Variants in TRIP12 observed in about 807,000 individuals in gnomAD.
TRIP12 encodes E3 ubiquitin-protein ligase TRIP12.
TRIP12 carries 25 observed loss-of-function variants against 244.2 expected under a neutral mutation model. The observed-to-expected ratio is 0.10, with a 90% CI of 0.07 to 0.14. The LOEUF (loss-of-function observed/expected upper bound fraction) is 0.14. Ranked by LOEUF, TRIP12 falls within the 10% of genes least tolerant of loss-of-function variation. The pLI is 1.00. For synonymous variants in TRIP12, 905 were observed against 873.1 expected (o/e 1.04, Z -0.64); for missense variants, 1,677 against 2,486.4 (o/e 0.67, Z 6.92).
intron 40 of TRIP12, 72 bp downstream of exon 40, chr2:229,769,157 ATG>A: frequency 3.2e-6 from 4 of 1,240,808 alleles, no homozygotes; most frequent in South Asian, 1.4e-5. Flanking sequence ...ACATGTGCGC[ATG>A]TGTGTGTACA....
chr2:229,874,778 T>C (rs983169598), intron 2 of TRIP12, among the ~76,000 whole-genome samples: 1 of 152,208 alleles, frequency 6.6e-6, no homozygotes, highest in African/African-American at 2.4e-5. Flanking sequence ...AATTGTTTTC[T>C]TTAATTTTCC....
chr2:229,882,528 A>G, intron 1 of TRIP12, among the ~76,000 whole-genome samples: 1 of 152,166 alleles, frequency 6.6e-6, no homozygotes, highest in East Asian at 1.9e-4. Flanking sequence ...GAAGTTCAGC[A>G]CATCAAAGAA....
At chr2:229,872,135 A>G (rs1005348671) in intron 2 of TRIP12, among the ~76,000 whole-genome samples, 5 of 145,758 alleles carry the variant, frequency 3.4e-5, no homozygotes, top group Admixed American at 6.9e-5. Flanking sequence ...AAAAAAAAGA[A>G]GCCTATATTA....
chr2:229,825,462 G>A (rs1559665409), intron 8 of TRIP12, among the ~76,000 whole-genome samples: 1 of 152,162 alleles, frequency 6.6e-6, no homozygotes, highest in African/African-American at 2.4e-5. Flanking sequence ...ATCCAAGACT[G>A]GATAATTTAT....
At chr2:229,878,501 C>G (rs564502985) in intron 2 of TRIP12, among the ~76,000 whole-genome samples, 42 of 151,884 alleles carry the variant, frequency 2.8e-4, no homozygotes, top group African/African-American at 9.9e-4. Context: ...CTGCCCTAGT[C>G]CAAAGTCCCT....
intron 34 of TRIP12, among the ~76,000 whole-genome samples, chr2:229,785,199 T>C (rs1256358764): frequency 6.6e-6 from 1 of 152,198 alleles, no homozygotes; most frequent in Admixed American, 6.5e-5. Flanking sequence ...AAAGGCTACA[T>C]ACTGCATGAC....
At chr2:229,779,426 G>T (rs1458809374) in intron 34 of TRIP12, among the ~76,000 whole-genome samples, 1 of 152,090 alleles carries the variant, frequency 6.6e-6, no homozygotes, top group Non-Finnish European at 1.5e-5. Flanking sequence ...TTTTCTTGGG[G>T]CTTATTTTTC....
rs113301774 is a variant in TRIP12, at chr2:229,839,107, G to A, written c.1133+1715C>T. Among the ~76,000 whole-genome samples, 687 of 152,294 alleles carry A rather than the reference G, an allele frequency of 4.5e-3. 7 individuals are homozygous for A. Among genetic ancestry groups the A allele is most frequent in the African/African-American group, 0.016 (666 of 41,538 alleles). Reference sequence around the variant, plus strand: ...TCAAGGACGAACCACGTATATGACCGTGGTCCTGCAAGATTATTAATACCC... The same window carrying A: ...TCAAGGACGAACCACGTATATGACCATGGTCCTGCAAGATTATTAATACCC... On this transcript the variant is annotated intron_variant, in intron 5 of 41. Transcript: ENST00000675903.
intron 2 of TRIP12, among the ~76,000 whole-genome samples, chr2:229,871,705 C>T (rs532985032): frequency 7.9e-5 from 12 of 152,124 alleles, no homozygotes; most frequent in Non-Finnish European, 1.5e-4. Context: ...TATTCCTTTA[C>T]AGCAATGCTG....
intron 2 of TRIP12, among the ~76,000 whole-genome samples, chr2:229,867,529 A>G (rs1336612629): frequency 6.6e-6 from 1 of 151,872 alleles, no homozygotes; most frequent in African/African-American, 2.4e-5. Flanking sequence ...ACCACTATTA[A>G]TTTTCTAAAA....
intron 1 of TRIP12, among the ~76,000 whole-genome samples, chr2:229,915,637 T>C (rs1410666763): frequency 8.1e-6 from 1 of 123,658 alleles, no homozygotes; most frequent in African/African-American, 3.0e-5. Flanking sequence ...AAAAAAAGGG[T>C]GAGGGCTAAA....
chr2:229,873,663 G>GT (rs558197461), intron 2 of TRIP12, among the ~76,000 whole-genome samples: 2 of 152,030 alleles, frequency 1.3e-5, no homozygotes, highest in Non-Finnish European at 2.9e-5. Context: ...CTTTGAAATA[G>GT]TTTTTTTAAG....
chr2:229,792,683 A>C (rs1011924863), intron 27 of TRIP12, among the ~76,000 whole-genome samples: 3 of 152,120 alleles, frequency 2.0e-5, no homozygotes, highest in African/African-American at 7.2e-5. Flanking sequence ...TATATATTAC[A>C]CTCTGATCTA....
At chr2:229,894,687 A>C (rs528424084) in intron 1 of TRIP12, among the ~76,000 whole-genome samples, 2 of 152,380 alleles carry the variant, frequency 1.3e-5, no homozygotes, top group South Asian at 4.1e-4. Context: ...GGCATATTTC[A>C]AATCAGGTGA....
intron 4 of TRIP12, among the ~76,000 whole-genome samples, chr2:229,848,246 A>G (rs574537763): frequency 4.0e-4 from 61 of 152,266 alleles, no homozygotes; most frequent in Admixed American, 1.8e-3. Context: ...GGAGACAACC[A>G]GGAATTACCA....
chr2:229,786,450 T>C (rs1332090667), intron 33 of TRIP12, among the ~76,000 whole-genome samples: 1 of 147,406 alleles, frequency 6.8e-6, no homozygotes, highest in South Asian at 2.1e-4. Flanking sequence ...CAGGCTGGAA[T>C]GCAGTGGCGC....
At chr2:229,876,753 T>G (rs954601126) in intron 2 of TRIP12, among the ~76,000 whole-genome samples, 2 of 152,224 alleles carry the variant, frequency 1.3e-5, no homozygotes, top group Non-Finnish European at 1.5e-5. Flanking sequence ...AACCTTGAAC[T>G]CCTCGGCTCA....
chr2:229,774,816 C>A (rs182462103), intron 37 of TRIP12, among the ~76,000 whole-genome samples: 5 of 148,502 alleles, frequency 3.4e-5, no homozygotes, highest in African/African-American at 1.2e-4. Flanking sequence ...ATCTATGCAG[C>A]AACACTGTGA....
At chr2:229,913,969 T>C (rs2074865044) in intron 1 of TRIP12, among the ~76,000 whole-genome samples, 1 of 152,134 alleles carries the variant, frequency 6.6e-6, no homozygotes. Flanking sequence ...TAAGTATATA[T>C]ATTTCTAAGA....
Sources: gnomAD v4.1 joint callset for allele counts (sites outside exome capture counted in the v4.1 genomes callset) on GRCh38, gnomAD v4.1.1 for gene constraint, MANE v1.5 for transcripts, NCBI Gene and HGNC (gene_info 2026-07-23, HGNC 2026-07-21) for gene names.